Variants in SCN11A observed in about 807,000 individuals in gnomAD.
SCN11A encodes the protein sodium voltage-gated channel alpha subunit 11, also known as sodium channel protein type 11 subunit alpha.
A neutral mutation model predicts 162.2 loss-of-function variants in SCN11A; 122 were observed. The observed-to-expected ratio is 0.75, with a 90% CI of 0.65 to 0.87. The LOEUF is 0.87. Among genes scored for constraint, SCN11A ranks in the 40% least tolerant of loss-of-function variants. SCN11A has a pLI of 0.00. For synonymous variants in SCN11A, 758 were observed against 751.5 expected (o/e 1.01, Z -0.14); for missense variants, 2,015 against 2,181.6 (o/e 0.92, Z 1.52).
chr3:38,860,287 C>T (rs914193806), intron 28 of SCN11A, among the ~76,000 whole-genome samples: 31 of 152,130 alleles, frequency 2.0e-4, no homozygotes, highest in Non-Finnish European at 4.4e-5. Flanking sequence ...TTCTCCATTG[C>T]AATTCCCCCA....
chr3:38,856,243 C>T (rs539704594), intron 28 of SCN11A, among the ~76,000 whole-genome samples: 1 of 152,176 alleles, frequency 6.6e-6, no homozygotes, highest in Non-Finnish European at 1.5e-5. Flanking sequence ...ACTGCAGACA[C>T]AGCTGGGGCT....
At chr3:39,017,122 T>A (rs184019833) in intron 2 of SCN11A, among the ~76,000 whole-genome samples, 2 of 152,114 alleles carry the variant, frequency 1.3e-5, no homozygotes, top group Admixed American at 1.3e-4. Flanking sequence ...AGGAATGAAA[T>A]TAGAGATCTT....
At chr3:39,041,772 T>C (rs1032908306) in intron 1 of SCN11A, among the ~76,000 whole-genome samples, 3 of 151,778 alleles carry the variant, frequency 2.0e-5, no homozygotes, top group Non-Finnish European at 4.4e-5. Flanking sequence ...AACTAACTGA[T>C]TGAAAAGATA....
intron 22 of SCN11A, among the ~76,000 whole-genome samples, chr3:38,882,061 T>C (rs1420901136): frequency 1.3e-5 from 2 of 152,216 alleles, no homozygotes; most frequent in African/African-American, 4.8e-5. Context: ...CCAGAAAGTC[T>C]ACAGGTAACC....
intron 2 of SCN11A, among the ~76,000 whole-genome samples, chr3:38,995,903 C>G (rs2030617402): frequency 2.0e-5 from 3 of 151,776 alleles, no homozygotes; most frequent in African/African-American, 7.3e-5. Context: ...CCACAATGTA[C>G]AGATAAGGAT....
chr3:38,888,860 T>TGGCCAA (rs931410729), intron 19 of SCN11A, among the ~76,000 whole-genome samples: 2 of 151,972 alleles, frequency 1.3e-5, no homozygotes, highest in African/African-American at 4.8e-5. Context: ...TAGACCAAGG[T>TGGCCAA]GGCCAAGAAG....
chr3:38,991,262 GAGA>G (rs1456167099), intron 2 of SCN11A, among the ~76,000 whole-genome samples: 3 of 152,138 alleles, frequency 2.0e-5, no homozygotes, highest in Admixed American at 6.5e-5. Flanking sequence ...TGCTCAGAAG[GAGA>G]AGAAGACCAA....
intron 25 of SCN11A, 39 bp downstream of exon 25, chr3:38,871,406 T>A: frequency 6.5e-7 from 1 of 1,527,642 alleles, no homozygotes; most frequent in South Asian, 1.3e-5. Context: ...CTCTGAAGGT[T>A]TTTCTCCTCA....
chr3:38,884,392 G>A (rs975754781), intron 21 of SCN11A, among the ~76,000 whole-genome samples: 1 of 152,212 alleles, frequency 6.6e-6, no homozygotes, highest in South Asian at 2.1e-4. Context: ...GAGCTGTTAA[G>A]CAACCTGGAA....
chr3:38,921,017 G>A, intron 10 of SCN11A, 59 bp downstream of exon 10: 1 of 1,481,716 alleles, frequency 6.7e-7, no homozygotes, highest in Non-Finnish European at 9.4e-7. Flanking sequence ...GGACAAGTGA[G>A]GATAAGGAAA....
intron 28 of SCN11A, among the ~76,000 whole-genome samples, chr3:38,852,754 A>G (rs61416060): frequency 0.027 from 4,132 of 152,014 alleles, 179 homozygotes; most frequent in African/African-American, 0.091. Flanking sequence ...TAGAGATGGA[A>G]AAAAAATCTC....
intron 2 of SCN11A, among the ~76,000 whole-genome samples, chr3:38,985,203 C>T (rs2030192877): frequency 6.8e-6 from 1 of 147,214 alleles, no homozygotes; most frequent in African/African-American, 2.6e-5. Flanking sequence ...TCTCAGCTCA[C>T]TGCAAGCTCT....
chr3:38,848,475 T>G (rs866893081), intron 29 of SCN11A, among the ~76,000 whole-genome samples: 6 of 152,224 alleles, frequency 3.9e-5, no homozygotes, highest in East Asian at 1.9e-4. Flanking sequence ...TCTATTAGGG[T>G]TCATGGGCAG....
intron 3 of SCN11A, among the ~76,000 whole-genome samples, chr3:38,957,458 T>C (rs1202023750): frequency 6.6e-6 from 1 of 152,116 alleles, no homozygotes; most frequent in Admixed American, 6.5e-5. Context: ...CCAATCCCCT[T>C]GGGCCATGAA....
intron 1 of SCN11A, among the ~76,000 whole-genome samples, chr3:39,050,768 C>CA (rs1167890942): frequency 2.6e-5 from 4 of 152,114 alleles, no homozygotes; most frequent in Non-Finnish European, 4.4e-5. Flanking sequence ...GAAATCAATA[C>CA]AAAAAATTAT....
chr3:39,034,293 T>A (rs1447706038), intron 1 of SCN11A, among the ~76,000 whole-genome samples: 1 of 152,160 alleles, frequency 6.6e-6, no homozygotes, highest in Non-Finnish European at 1.5e-5. Flanking sequence ...CAAGGACGGT[T>A]CAACATATAC....
chr3:38,929,172 C>CACACACACACAT (rs139558791), intron 7 of SCN11A, among the ~76,000 whole-genome samples: 3,066 of 79,808 alleles, frequency 0.038, 49 homozygotes, highest in Non-Finnish European at 0.046. Flanking sequence ...CACACACACA[C>CACACACACACAT]ATGTTTGGGA....
chr3:38,951,242 C>G (rs111229127), intron 4 of SCN11A, among the ~76,000 whole-genome samples: 5,334 of 152,278 alleles, frequency 0.035, 200 homozygotes, highest in East Asian at 0.18. Flanking sequence ...GCGCCGCACT[C>G]GGAGCAGCCG....
intron 7 of SCN11A, among the ~76,000 whole-genome samples, chr3:38,936,517 CAA>C (rs1396205064): frequency 6.6e-6 from 1 of 151,624 alleles, no homozygotes; most frequent in East Asian, 1.9e-4. Flanking sequence ...GCAACTTCAG[CAA>C]AGTCTTCAGG....
Sources: allele counts gnomAD v4.1 joint callset (sites outside exome capture counted in the v4.1 genomes callset), GRCh38; gene constraint gnomAD v4.1.1; transcripts MANE v1.5; gene names NCBI Gene and HGNC (gene_info 2026-07-23, HGNC 2026-07-21).